Variants in SNX4 observed in about 807,000 individuals in gnomAD.
SNX4 encodes the protein sorting nexin 4.
SNX4 carries 49 observed loss-of-function variants against 70.8 expected under a neutral mutation model. That is an observed-to-expected ratio of 0.69 (90% confidence interval 0.55 to 0.88). SNX4 has a LOEUF of 0.88. Ranked by LOEUF, SNX4 falls within the 40% of genes least tolerant of loss-of-function variation. The probability of loss-of-function intolerance (pLI) is 0.00; values close to 1 mark genes in which losing one functional copy is unlikely to be tolerated. For missense variants in SNX4, 528 were observed against 544.8 expected (o/e 0.97, Z 0.31); for synonymous variants, 206 against 183.8 (o/e 1.12, Z -0.98).
chr3:125,461,367 A>G (rs1933878611), intron 9 of SNX4, among the ~76,000 whole-genome samples: 2 of 152,380 alleles, frequency 1.3e-5, no homozygotes, highest in South Asian at 4.1e-4. Context: ...TGTAATTACC[A>G]TGATGATTTT....
At chr3:125,479,182 C>A (rs1247718864) in intron 7 of SNX4, among the ~76,000 whole-genome samples, 1 of 152,154 alleles carries the variant, frequency 6.6e-6, no homozygotes, top group East Asian at 1.9e-4. Flanking sequence ...AAACTCATTT[C>A]TCCTAAAACT....
At chr3:125,454,107 G>T in intron 11 of SNX4, 152 bp from the exon 12 acceptor site, 1 of 643,558 alleles carries the variant, frequency 1.6e-6, no homozygotes, top group Non-Finnish European at 2.6e-6. Context: ...AGTGAAATAA[G>T]ACAGATACAA....
chr3:125,497,227 G>A, intron 5 of SNX4, 114 bp downstream of exon 5: 1 of 619,954 alleles, frequency 1.6e-6, no homozygotes, highest in African/African-American at 1.9e-5. Context: ...GATATTTATT[G>A]TAAGACGATT....
At chr3:125,453,359 A>G (rs114428834) in intron 12 of SNX4, among the ~76,000 whole-genome samples, 2,088 of 152,310 alleles carry the variant, frequency 0.014, 16 homozygotes, top group Non-Finnish European at 0.023. Context: ...GAAATGGTGG[A>G]GGGAAAGTAC....
intron 11 of SNX4, among the ~76,000 whole-genome samples, chr3:125,456,779 C>T (rs1933727862): frequency 6.6e-6 from 1 of 152,154 alleles, no homozygotes. Flanking sequence ...TTCTGCCTCA[C>T]CTTCCCGAGT....
chr3:125,476,874 A>T, intron 7 of SNX4, 118 bp from the exon 8 acceptor site: 1 of 587,900 alleles, frequency 1.7e-6, no homozygotes, highest in Non-Finnish European at 3.0e-6. Flanking sequence ...AGAAAAAAGA[A>T]AAATAGTAAT....
At chr3:125,463,797 G>T (rs1933939077) in intron 9 of SNX4, among the ~76,000 whole-genome samples, 1 of 152,172 alleles carries the variant, frequency 6.6e-6, no homozygotes. Flanking sequence ...TTTTTGTGGT[G>T]AGAATATTTA....
At chr3:125,519,506 A>G (rs372186553) in intron 1 of SNX4, among the ~76,000 whole-genome samples, 70 of 152,274 alleles carry the variant, frequency 4.6e-4, no homozygotes, top group African/African-American at 1.6e-3. Flanking sequence ...TGATGGCAGC[A>G]CCAGGCCAAC....
chr3:125,456,759 C>T (rs1933727054), intron 11 of SNX4, among the ~76,000 whole-genome samples: 1 of 152,200 alleles, frequency 6.6e-6, no homozygotes, highest in Admixed American at 6.5e-5. Context: ...TTCCCTGGTT[C>T]AAGCAATTCT....
chr3:125,516,605 C>A (rs1303021171), intron 1 of SNX4, among the ~76,000 whole-genome samples: 1 of 152,182 alleles, frequency 6.6e-6, no homozygotes, highest in African/African-American at 2.4e-5. Context: ...CTTTGGGAGG[C>A]TGAGGTGGGT....
At position 125,447,365 on chromosome 3, in the gene SNX4, A is replaced by G. The variant is rs767451246; in HGVS notation, c.*414T>C. 1.3e-5 allele frequency: 2 copies of G among 158,118 alleles called. No homozygotes were observed. The highest frequency in any genetic ancestry group is 1.4e-5 in the Non-Finnish European group (1 of 72,054). 9.8% of individuals were successfully genotyped at this position (158,118 alleles called of 1,614,324 possible). A position where few individuals can be genotyped will look rare whatever the true frequency, so the allele number is the denominator to read the frequency against. On this transcript the variant is annotated 3_prime_UTR_variant, in exon 14 of 14. Coordinates refer to ENST00000251775, the MANE Select transcript of SNX4 (RefSeq NM_003794.4). ...ATAAGGCAAGAGAAAACAACTCCCT[A>G]TAACAGATTAGTGGATCTTACCAAG...
chr3:125,490,503 G>A (rs1426273612), intron 5 of SNX4, among the ~76,000 whole-genome samples: 40 of 124,156 alleles, frequency 3.2e-4, no homozygotes, highest in Non-Finnish European at 2.2e-4. Flanking sequence ...CAGCCTGGGC[G>A]ACAGAGTGAG....
At chr3:125,512,309 T>C (rs911093218) in intron 1 of SNX4, among the ~76,000 whole-genome samples, 10 of 152,212 alleles carry the variant, frequency 6.6e-5, no homozygotes, top group African/African-American at 2.4e-4. Context: ...CACATTCTGA[T>C]AAAGCAAGTT....
In SNX4 at chr3:125,447,636, G is replaced by T; in HGVS notation, c.*143C>A. ...TATATTTTTTGTGCTACATTAACAC[G>T]ACCACAATTAAGTTAAAGAAAGCTG... is the stretch of plus-strand genomic sequence containing the variant. On this transcript the variant is annotated 3_prime_UTR_variant, in exon 14 of 14. Transcript: ENST00000251775. The T allele has an allele frequency of 7.2e-6, 4 of 554,190 alleles. No homozygotes were observed. The highest frequency in any genetic ancestry group is 2.7e-5 in the South Asian group (1 of 37,468). The allele number at this position is 554,190 out of a possible 1,614,324, so 34.3% of individuals were successfully genotyped here. A position where few individuals can be genotyped will look rare whatever the true frequency, so the allele number is the denominator to read the frequency against.
Position 125,504,697 on chromosome 3 carries a change from T to C in SNX4, c.189A>G (p.Ser63=). 2.5e-6 allele frequency: 4 copies of C among 1,614,042 alleles called. No individual in the cohort carries two copies. The highest frequency in any genetic ancestry group is 3.4e-6 in the Non-Finnish European group (4 of 1,179,932). The change falls in exon 2 of 14, where the codon TCA becomes TCG. Residue 63 remains serine, a synonymous_variant. Coordinates refer to ENST00000251775, the MANE Select transcript of SNX4 (RefSeq NM_003794.4). ...TTCTTCCAGTTCGTTTTTCTGCTTC[T>C]GAAACACTGATTTCTATCTTCTTCA... ...FWLKKIEISV[S]EAEKRTGRNA...
At chr3:125,487,142 A>G (rs1183485859) in intron 6 of SNX4, among the ~76,000 whole-genome samples, 1 of 152,074 alleles carries the variant, frequency 6.6e-6, no homozygotes, top group East Asian at 1.9e-4. Flanking sequence ...TTTTAGTAAT[A>G]TATTTTAATA....
At chr3:125,490,052 C>A (rs1206899750) in intron 5 of SNX4, among the ~76,000 whole-genome samples, 1 of 151,832 alleles carries the variant, frequency 6.6e-6, no homozygotes, top group East Asian at 1.9e-4. Context: ...TCGCTTGAAC[C>A]TGGGAGGCGG....
intron 5 of SNX4, among the ~76,000 whole-genome samples, chr3:125,492,810 A>C (rs75188318): frequency 0.025 from 3,818 of 152,234 alleles, 80 homozygotes; most frequent in Non-Finnish European, 0.041. Flanking sequence ...TGGAATCTCC[A>C]CATTGGATCT....
chr3:125,516,979 G>A (rs1935296405), intron 1 of SNX4: 1 of 146,156 alleles, frequency 6.8e-6, no homozygotes. Flanking sequence ...TTACAACTTA[G>A]GCTGGTCTGA....
Sources: allele counts gnomAD v4.1 joint callset (sites outside exome capture counted in the v4.1 genomes callset), GRCh38; gene constraint gnomAD v4.1.1; transcripts MANE v1.5; gene names NCBI Gene and HGNC (gene_info 2026-07-23, HGNC 2026-07-21).